The following KANK1 variants were observed in gnomAD, a reference collection of about 807,000 sequenced individuals.
KANK1 encodes KN motif and ankyrin repeat domain-containing protein 1.
In KANK1, 109 loss-of-function variants were observed where a neutral mutation model predicts 106.2. The observed-to-expected ratio is 1.03, with a 90% CI of 0.88 to 1.20. KANK1 has a LOEUF of 1.20. Among genes scored for constraint, KANK1 ranks in the 50% most tolerant of loss-of-function variants. The probability of loss-of-function intolerance (pLI) is 0.00; values close to 1 mark genes in which losing one functional copy is unlikely to be tolerated. For missense variants in KANK1, 2,399 were observed against 1,710.7 expected, an observed-to-expected ratio of 1.40 and a Z score of -7.10; for synonymous variants, 873 against 652.2, an observed-to-expected ratio of 1.34 and a Z score of -5.16.
intron 2 of KANK1, among the ~76,000 whole-genome samples, chr9:703,418 A>AT (rs1201974054): frequency 6.6e-6 from 1 of 152,140 alleles, no homozygotes; most frequent in Non-Finnish European, 1.5e-5. Flanking sequence ...CTTCCACTGA[A>AT]TAGGACCATT....
At chr9:700,561 G>C (rs928489424) in intron 2 of KANK1, among the ~76,000 whole-genome samples, 1 of 152,164 alleles carries the variant, frequency 6.6e-6, no homozygotes, top group Non-Finnish European at 1.5e-5. Context: ...TCCTGCTGAC[G>C]TGGGATCTTT....
At chr9:536,910 C>T (rs1217241209) in intron 1 of KANK1, among the ~76,000 whole-genome samples, 2 of 152,148 alleles carry the variant, frequency 1.3e-5, no homozygotes, top group African/African-American at 2.4e-5. Context: ...TCTAATCAAG[C>T]ATTTTATTCA....
chr9:676,229 C>T (rs974548230), intron 1 of KANK1, among the ~76,000 whole-genome samples: 10 of 152,246 alleles, frequency 6.6e-5, no homozygotes, highest in African/African-American at 2.4e-4. Flanking sequence ...ATAAAGGTCT[C>T]AGCCTTATTT....
Position 606,282 on chromosome 9 carries a change from G to A in KANK1, c.-83-70608G>A, listed in dbSNP as rs2804303. On this transcript the variant is annotated intron_variant, in intron 1 of 11. Transcript: ENST00000382297. The stretch of plus-strand genomic sequence containing the variant: ...TTTTAGAAGGGCTGGGGGTGGTGGG[G>A]GCGGTGGCTCACACCTGAAATCCCA... 1.3e-5 allele frequency among the ~76,000 whole-genome samples: 2 copies of A among 148,336 alleles called. 1 individual carries two copies. Among genetic ancestry groups the A allele is most frequent in the African/African-American group, 5.2e-5 (2 of 38,558 alleles).
chr9:708,959 G>A (rs1027193749), intron 2 of KANK1, among the ~76,000 whole-genome samples: 8 of 152,206 alleles, frequency 5.3e-5, no homozygotes, highest in Non-Finnish European at 8.8e-5. Flanking sequence ...CAAGGTCTGC[G>A]CTTTGAAAGG....
At chr9:689,378 A>G (rs1190875643) in intron 2 of KANK1, among the ~76,000 whole-genome samples, 2 of 152,154 alleles carry the variant, frequency 1.3e-5, no homozygotes, top group East Asian at 3.9e-4. Context: ...CACTCTCCTG[A>G]CAAGAATCAG....
intron 2 of KANK1, among the ~76,000 whole-genome samples, chr9:700,375 C>G (rs993327636): frequency 6.6e-5 from 10 of 152,184 alleles, no homozygotes; most frequent in African/African-American, 2.4e-4. Flanking sequence ...ACAGTGTCAT[C>G]AGGAGATACC....
chr9:540,174 C>G (rs567038559), intron 1 of KANK1, among the ~76,000 whole-genome samples: 1 of 152,106 alleles, frequency 6.6e-6, no homozygotes, highest in Non-Finnish European at 1.5e-5. Context: ...ACGGGCATGC[C>G]GTATGTGGCC....
At chr9:504,228 T>C (rs938844134), upstream of KANK1, among the ~76,000 whole-genome samples, 2 of 152,116 alleles carry the variant, frequency 1.3e-5, no homozygotes, top group African/African-American at 2.4e-5. Context: ...GGGCTGGATT[T>C]CTTCTCCCCT....
chr9:532,432 T>G (rs1225348111), intron 1 of KANK1, among the ~76,000 whole-genome samples: 1 of 147,746 alleles, frequency 6.8e-6, no homozygotes, highest in Admixed American at 6.9e-5. Context: ...TGATGTTAAG[T>G]ATGTTTACAT....
chr9:742,470 G>A lies in KANK1; in HGVS notation c.3897+65G>A, dbSNP rs983619749. 7.4e-6 allele frequency: 10 copies of A among 1,351,834 alleles called. No individual in the cohort carries two copies. In the Admixed American group the frequency reaches 2.0e-4, roughly 27 times the overall value. 83.7% of individuals were successfully genotyped at this position (1,351,834 alleles called of 1,614,324 possible). On this transcript the variant is annotated intron_variant, in intron 10 of 11. Coordinates refer to ENST00000382297, the MANE Select transcript of KANK1 (RefSeq NM_015158.5). ...GGGACTCTGGACGGGAGCTCTGGGA[G>A]TGCCTTTTGGCCAGGAGCGACCAAA...
intron 1 of KANK1, among the ~76,000 whole-genome samples, chr9:590,382 C>G (rs1824549757): frequency 6.6e-6 from 1 of 152,180 alleles, no homozygotes; most frequent in Non-Finnish European, 1.5e-5. Flanking sequence ...ACCATTTTCT[C>G]ATCCAACTCC....
At chr9:526,936 A>T (rs916939331) in intron 1 of KANK1, among the ~76,000 whole-genome samples, 13 of 151,738 alleles carry the variant, frequency 8.6e-5, no homozygotes, top group African/African-American at 2.9e-4. Context: ...TATTAATATG[A>T]TTTTTGTTTG....
chr9:624,070 C>T (rs1029864196), intron 1 of KANK1, among the ~76,000 whole-genome samples: 6 of 152,102 alleles, frequency 3.9e-5, no homozygotes, highest in African/African-American at 1.4e-4. Context: ...GAAAGCCTGC[C>T]ATTTGCAACA....
At chr9:707,225 G>T in intron 2 of KANK1, 2 of 986,224 alleles carry the variant, frequency 2.0e-6, no homozygotes, top group South Asian at 4.6e-5. Flanking sequence ...CGGGCTGGCG[G>T]GGAGCGCGGC....
At chr9:739,196 T>A (rs1834655334) in intron 8 of KANK1, among the ~76,000 whole-genome samples, 1 of 152,220 alleles carries the variant, frequency 6.6e-6, no homozygotes, top group Non-Finnish European at 1.5e-5. Context: ...AGCTTTCAAC[T>A]TCTTGTTCAA....
At chr9:481,883 A>T (rs1230346054) in intron 3 of KANK1, among the ~76,000 whole-genome samples, 1 of 151,930 alleles carries the variant, frequency 6.6e-6, no homozygotes, top group Non-Finnish European at 1.5e-5. Context: ...AGCTAAATGG[A>T]GAGTGTATAG....
intron 1 of KANK1, among the ~76,000 whole-genome samples, chr9:636,177 T>C (rs1030109937): frequency 6.6e-6 from 1 of 152,074 alleles, no homozygotes; most frequent in Non-Finnish European, 1.5e-5. Context: ...GGGCCTAGGG[T>C]GTTTTTGTAA....
At chr9:574,318 A>T (rs983875460) in intron 1 of KANK1, among the ~76,000 whole-genome samples, 4 of 152,198 alleles carry the variant, frequency 2.6e-5, no homozygotes. Flanking sequence ...GGCTCGAGGG[A>T]ACATTCCTTT....
Sources: allele counts gnomAD v4.1 joint callset (sites outside exome capture counted in the v4.1 genomes callset), GRCh38; gene constraint gnomAD v4.1.1; transcripts MANE v1.5; gene names NCBI Gene and HGNC (gene_info 2026-07-23, HGNC 2026-07-21).